PROM1: variants seen among roughly 807,000 people sequenced by gnomAD.
PROM1 encodes prominin 1, also known as prominin-1.
In PROM1, 105 loss-of-function variants were observed where a neutral mutation model predicts 116.9. The ratio of observed to expected loss-of-function variants is 0.90; its 90% CI spans 0.77 to 1.06. The LOEUF (loss-of-function observed/expected upper bound fraction) is 1.06. PROM1 is among the 50% of genes least tolerant of loss of function. The pLI, the probability that PROM1 is intolerant of heterozygous loss-of-function variation, is 0.00. For missense variants in PROM1, 1,122 were observed against 1,045.2 expected, an observed-to-expected ratio of 1.07 and a Z score of -1.01; for synonymous variants, 393 against 387.0, an observed-to-expected ratio of 1.02 and a Z score of -0.18.
At chr4:15,970,790 T>C (rs1714337743) in intron 27 of PROM1, among the ~76,000 whole-genome samples, 1 of 133,352 alleles carries the variant, frequency 7.5e-6, no homozygotes, top group South Asian at 2.6e-4. Flanking sequence ...TTTTTATTAT[T>C]TTTATTTTTG....
At chr4:16,016,499 T>A (rs963168727) in intron 9 of PROM1, among the ~76,000 whole-genome samples, 5 of 152,244 alleles carry the variant, frequency 3.3e-5, no homozygotes, top group African/African-American at 1.2e-4. Context: ...AACACAAATG[T>A]AATATATATG....
At chr4:16,081,055 G>A (rs1744946647) in intron 1 of PROM1, among the ~76,000 whole-genome samples, 1 of 150,000 alleles carries the variant, frequency 6.7e-6, no homozygotes, top group Non-Finnish European at 1.5e-5. Flanking sequence ...ATATATATAT[G>A]TATATGTATA....
chr4:16,027,616 G>A (rs1157732949), intron 5 of PROM1, among the ~76,000 whole-genome samples: 1 of 152,148 alleles, frequency 6.6e-6, no homozygotes, highest in Non-Finnish European at 1.5e-5. Flanking sequence ...TGAACTCCCA[G>A]AGGCTCCCTT....
chr4:16,073,122 C>G, intron 2 of PROM1, among the ~76,000 whole-genome samples: 1 of 152,128 alleles, frequency 6.6e-6, no homozygotes, highest in East Asian at 1.9e-4. Flanking sequence ...ACTGCAATTC[C>G]TCTAAATTGA....
chr4:16,076,817 C>A (rs1744049778), intron 1 of PROM1, among the ~76,000 whole-genome samples: 1 of 152,234 alleles, frequency 6.6e-6, no homozygotes, highest in Admixed American at 6.5e-5. Flanking sequence ...GAAACATGTG[C>A]TGTGTCCACT....
Position 16,000,632 on chromosome 4 carries a change from A to T in PROM1, c.1455-13T>A. Reference sequence around the variant, plus strand: ...TAATCCAACTCCACTGGAAAAAAATATAAAGTTAGTAATTCAACAAAGAAT... The same window carrying T: ...TAATCCAACTCCACTGGAAAAAAATTTAAAGTTAGTAATTCAACAAAGAAT... On this transcript the variant is annotated splice_polypyrimidine_tract_variant and intron_variant, in intron 13 of 27. Coordinates refer to ENST00000447510, the MANE Select transcript of PROM1 (RefSeq NM_006017.3). 1 of 1,536,808 alleles carries T rather than the reference A, an allele frequency of 6.5e-7. No homozygotes were observed.
intron 2 of PROM1, 51 bp from the exon 3 acceptor site, chr4:16,039,052 A>G (rs1323518373): frequency 1.4e-6 from 2 of 1,391,936 alleles, no homozygotes; most frequent in East Asian, 5.5e-5. Flanking sequence ...TAAAATTATA[A>G]AATGCATATT....
chr4:15,980,000 C>T lies in PROM1; in HGVS notation c.2490-96G>A, dbSNP rs548873984. ...CCAAATATTTACTCTAACACGGATA[C>T]TGACAGTGCAAACTCAGGAAAGACC... On this transcript the variant is annotated intron_variant, in intron 24 of 27. Transcript: ENST00000447510. 1.1e-5 allele frequency: 8 copies of T among 757,406 alleles called. No individual in the cohort carries two copies. In the East Asian group the frequency reaches 2.3e-4, roughly 22 times the overall value. The allele number at this position is 757,406 out of a possible 1,614,324, so 46.9% of individuals were successfully genotyped here.
intron 13 of PROM1, among the ~76,000 whole-genome samples, chr4:16,003,503 G>T (rs1724407541): frequency 6.6e-6 from 1 of 152,166 alleles, no homozygotes; most frequent in Non-Finnish European, 1.5e-5. Flanking sequence ...GCTGCTCTTG[G>T]CATTGTTGTC....
chr4:16,002,244 A>G (rs1454147479), intron 13 of PROM1, among the ~76,000 whole-genome samples: 1 of 152,210 alleles, frequency 6.6e-6, no homozygotes, highest in East Asian at 1.9e-4. Context: ...GGAAGAAAAC[A>G]AAAGAAATAA....
rs1335459313 is a variant in PROM1, at chr4:16,041,179, T to TTC, written c.221-2179_221-2178insGA. Among the ~76,000 whole-genome samples the TTC allele has an allele frequency of 9.8e-4, 150 of 152,360 alleles. 1 individual carries two copies. Among genetic ancestry groups the TTC allele is most frequent in the African/African-American group, 3.4e-3 (140 of 41,588 alleles). On this transcript the variant is annotated intron_variant, in intron 2 of 27. Transcript: ENST00000447510. ...GTGCAAAGGCGGTGGTAGATAAGAA[T>TTC]GCAAGTGATTTGGCACAAATCAAGA...
At chr4:16,013,907 C>T (rs1727592175) in intron 10 of PROM1, among the ~76,000 whole-genome samples, 2 of 150,238 alleles carry the variant, frequency 1.3e-5, no homozygotes. Flanking sequence ...CAGAATCTTA[C>T]TTTCTAATTA....
chr4:16,051,518 T>C (rs1737883204), intron 2 of PROM1, among the ~76,000 whole-genome samples: 1 of 152,224 alleles, frequency 6.6e-6, no homozygotes, highest in East Asian at 1.9e-4. Context: ...ACCTATTGTG[T>C]GCCAAGCCCT....
chr4:16,026,127 C>T lies in PROM1; in HGVS notation c.510-815G>A, dbSNP rs12511376. Among the ~76,000 whole-genome samples, 652 of 152,240 alleles carry T rather than the reference C, an allele frequency of 4.3e-3. 12 individuals are homozygous for T. Among genetic ancestry groups the T allele is most frequent in the South Asian group, 0.026 (125 of 4,818 alleles). ...TATACTTCAAAAAAAGCTGCAAAAACGCCATATGAAAGGCATCTTACAGGA... is the reference window on the plus strand; with the variant it reads ...TATACTTCAAAAAAAGCTGCAAAAATGCCATATGAAAGGCATCTTACAGGA... On this transcript the variant is annotated intron_variant, in intron 5 of 27. Transcript: ENST00000447510.
At chr4:16,052,042 C>T (rs1737998521) in intron 2 of PROM1, among the ~76,000 whole-genome samples, 1 of 152,200 alleles carries the variant, frequency 6.6e-6, no homozygotes, top group South Asian at 2.1e-4. Context: ...TCAATCTAAA[C>T]ACAAAACAAA....
In PROM1 at chr4:16,018,540, G is replaced by A. The variant is rs1290508092; in HGVS notation, c.785C>T (p.Ala262Val). Residue 262 changes from alanine (A) to valine (V), a missense_variant and splice_region_variant, in exon 9 of 28, where the codon GCG becomes GTG. Coordinates refer to ENST00000447510, the MANE Select transcript of PROM1 (RefSeq NM_006017.3). ...CAACGCCTCTTTGGTCTCCTTGATCGCTATGGAAACACAGCCCGCTTCAGA... is the reference window on the plus strand; with the variant it reads ...CAACGCCTCTTTGGTCTCCTTGATCACTATGGAAACACAGCCCGCTTCAGA... The part of the protein sequence containing the change: ...VLDEIKSMAT[A>V]IKETKEALEN... The A allele has an allele frequency of 5.0e-6, 8 of 1,601,748 alleles. No individual in the cohort carries two copies. Among genetic ancestry groups the A allele is most frequent in the Middle Eastern group, 2.2e-4 (1 of 4,596 alleles).
intron 12 of PROM1, among the ~76,000 whole-genome samples, chr4:16,007,433 A>G (rs1373975694): frequency 6.6e-6 from 1 of 152,244 alleles, no homozygotes; most frequent in Admixed American, 6.5e-5. Flanking sequence ...CATTTAAGAC[A>G]CTAAAAAACA....
intron 2 of PROM1, among the ~76,000 whole-genome samples, chr4:16,040,311 C>A (rs1734928204): frequency 6.6e-6 from 1 of 152,146 alleles, no homozygotes; most frequent in South Asian, 2.1e-4. Flanking sequence ...CCAGGGAACC[C>A]CAATAGTTTC....
At chr4:15,983,741 T>C (rs1351327585) in intron 23 of PROM1, among the ~76,000 whole-genome samples, 1 of 152,138 alleles carries the variant, frequency 6.6e-6, no homozygotes, top group Admixed American at 6.5e-5. Context: ...TGAGGAATCC[T>C]GATCTTTAGA....
Sources: gnomAD v4.1 joint callset for allele counts (sites outside exome capture counted in the v4.1 genomes callset) on GRCh38, gnomAD v4.1.1 for gene constraint, MANE v1.5 for transcripts, NCBI Gene and HGNC (gene_info 2026-07-23, HGNC 2026-07-21) for gene names.